Variants in ASTN2 observed in about 807,000 individuals in gnomAD.
ASTN2 encodes astrotactin-2.
In ASTN2, 54 loss-of-function variants were observed where a neutral mutation model predicts 139.8. The ratio of observed to expected loss-of-function variants is 0.39; its 90% CI spans 0.31 to 0.48. ASTN2 has a LOEUF of 0.48. Among genes scored for constraint, ASTN2 ranks in the 20% least tolerant of loss-of-function variants. ASTN2 has a pLI of 0.95. For synonymous variants in ASTN2, 756 were observed against 719.5 expected, an observed-to-expected ratio of 1.05 and a Z score of -0.81; for missense variants, 1,565 against 1,725.1, an observed-to-expected ratio of 0.91 and a Z score of 1.64.
chr9:117,240,743 A>T lies in ASTN2; in HGVS notation c.631-26001T>A, dbSNP rs896273486. Among the ~76,000 whole-genome samples, 31 of 152,226 alleles carry T rather than the reference A, an allele frequency of 2.0e-4. 1 individual carries two copies. Among genetic ancestry groups the T allele is most frequent in the Admixed American group, 9.8e-4 (15 of 15,280 alleles). On this transcript the variant is annotated intron_variant, in intron 2 of 22. Coordinates refer to ENST00000313400, the MANE Select transcript of ASTN2 (RefSeq NM_001365068.1). The stretch of plus-strand genomic sequence containing the variant: ...TAGGGATCTCTGAAAGTGTTTCCTG[A>T]GGTTTTCCAATCCTCATTTTGTAGA...
At chr9:116,490,633 G>A (rs1048908562) in intron 19 of ASTN2, among the ~76,000 whole-genome samples, 10 of 152,106 alleles carry the variant, frequency 6.6e-5, no homozygotes, top group Admixed American at 2.0e-4. Context: ...CAATCATGGC[G>A]GAAGGCACCT....
chr9:117,389,882 T>C (rs1413581390), intron 1 of ASTN2, among the ~76,000 whole-genome samples: 1 of 148,406 alleles, frequency 6.7e-6, no homozygotes, highest in Admixed American at 6.7e-5. Flanking sequence ...CAGGGTGTTG[T>C]GAGAAAGACA....
rs538303839 is a variant in ASTN2, at chr9:116,905,872, G to T, written c.1890-42139C>A. Among the ~76,000 whole-genome samples, 15 of 149,308 alleles carry T rather than the reference G, an allele frequency of 1.0e-4. 1 individual carries two copies. In the South Asian group the frequency reaches 2.2e-3, roughly 21 times the overall value. ...TCCCTGTTTTTTTTTTTTTTGGGGGGGGGTGCGGGGGGTGTGCCGTTTAAG... is the reference window on the plus strand; with the variant it reads ...TCCCTGTTTTTTTTTTTTTTGGGGGTGGGTGCGGGGGGTGTGCCGTTTAAG... On this transcript the variant is annotated intron_variant, in intron 10 of 22. Coordinates refer to ENST00000313400, the MANE Select transcript of ASTN2 (RefSeq NM_001365068.1).
At chr9:116,631,975 G>A (rs902837564) in intron 17 of ASTN2, among the ~76,000 whole-genome samples, 6 of 151,666 alleles carry the variant, frequency 4.0e-5, no homozygotes, top group Non-Finnish European at 5.9e-5. Flanking sequence ...TTAGCTGGGC[G>A]TTGTGGCACA....
In ASTN2 at chr9:116,932,039, G is replaced by A. The variant is rs1834913016; in HGVS notation, c.1889+43169C>T. Among the ~76,000 whole-genome samples the A allele has an allele frequency of 3.3e-5, 5 of 152,120 alleles. 1 individual carries two copies. The South Asian group carries it at 1.0e-3, about 32-fold the overall frequency. ...TGAGGGGTGGTAGGGGGAAGGGGTA[G>A]TAGAGTGTGAGTTTGAAGAGATAGG... On this transcript the variant is annotated intron_variant, in intron 10 of 22. Coordinates refer to ENST00000313400, the MANE Select transcript of ASTN2 (RefSeq NM_001365068.1).
At chr9:117,118,314 T>C (rs936713328) in intron 4 of ASTN2, among the ~76,000 whole-genome samples, 24 of 152,102 alleles carry the variant, frequency 1.6e-4, no homozygotes, top group African/African-American at 5.3e-4. Flanking sequence ...AGATCTCCAG[T>C]CATGAACTTA....
At chr9:116,986,834 C>A (rs1836697119) in intron 7 of ASTN2, among the ~76,000 whole-genome samples, 1 of 152,182 alleles carries the variant, frequency 6.6e-6, no homozygotes, top group Non-Finnish European at 1.5e-5. Context: ...ACTCCCTTTC[C>A]AGGAGAATTA....
intron 1 of ASTN2, among the ~76,000 whole-genome samples, chr9:117,395,241 C>T (rs925227136): frequency 3.3e-5 from 5 of 152,134 alleles, no homozygotes; most frequent in Non-Finnish European, 5.9e-5. Context: ...CCCCAAATGC[C>T]GCCCCCACTG....
In ASTN2 at chr9:116,487,292, G is replaced by A; in HGVS notation, c.3497+67C>T. ...GGCTGGCCTGCACAGAATAACTCAT[G>A]CCATTCCTCTTAGGCTTAAAATCAT... On this transcript the variant is annotated intron_variant, in intron 20 of 22. Coordinates refer to ENST00000313400, the MANE Select transcript of ASTN2 (RefSeq NM_001365068.1). 3.8e-6 allele frequency: 6 copies of A among 1,580,594 alleles called. No homozygotes were observed. The Admixed American group carries it at 8.7e-5, about 23-fold the overall frequency.
intron 3 of ASTN2, among the ~76,000 whole-genome samples, chr9:117,164,450 C>A (rs1830623268): frequency 6.6e-6 from 1 of 152,046 alleles, no homozygotes; most frequent in African/African-American, 2.4e-5. Flanking sequence ...TCCACTCTGG[C>A]ATAAATAAAG....
At chr9:116,726,767 G>C (rs1828637342) in intron 15 of ASTN2, among the ~76,000 whole-genome samples, 1 of 151,998 alleles carries the variant, frequency 6.6e-6, no homozygotes, top group Non-Finnish European at 1.5e-5. Flanking sequence ...AGTAAAAACT[G>C]CTCCCTCTTT....
intron 11 of ASTN2, among the ~76,000 whole-genome samples, chr9:116,855,246 C>T (rs1465516042): frequency 6.6e-6 from 1 of 152,114 alleles, no homozygotes; most frequent in Non-Finnish European, 1.5e-5. Context: ...ACCCTATTAC[C>T]CCACCTACCC....
At chr9:116,471,036 T>G (rs1470019038) in intron 20 of ASTN2, among the ~76,000 whole-genome samples, 2 of 152,338 alleles carry the variant, frequency 1.3e-5, no homozygotes, top group South Asian at 4.1e-4. Context: ...TTTTCTTTTT[T>G]AAAATGATTT....
At chr9:116,994,909 G>A (rs1836968621) in intron 7 of ASTN2, among the ~76,000 whole-genome samples, 1 of 152,260 alleles carries the variant, frequency 6.6e-6, no homozygotes, top group Middle Eastern at 3.4e-3. Context: ...ATTGTGCTCA[G>A]TGCATAATAC....
intron 10 of ASTN2, among the ~76,000 whole-genome samples, chr9:116,871,408 T>C (rs186481034): frequency 6.6e-6 from 1 of 152,348 alleles, no homozygotes; most frequent in African/African-American, 2.4e-5. Flanking sequence ...AAGTGATCAA[T>C]ATTTAAATAT....
chr9:117,211,375 A>C (rs1052378971), intron 3 of ASTN2, among the ~76,000 whole-genome samples: 1 of 152,142 alleles, frequency 6.6e-6, no homozygotes, highest in Non-Finnish European at 1.5e-5. Context: ...TGGTGGTGGG[A>C]GGTGACTGGG....
At chr9:116,493,203 T>C (rs1353902156) in intron 19 of ASTN2, among the ~76,000 whole-genome samples, 1 of 152,070 alleles carries the variant, frequency 6.6e-6, no homozygotes, top group Admixed American at 6.6e-5. Context: ...CCATGCACCT[T>C]TCACTAGGCC....
chr9:117,149,122 T>C (rs1830269351), intron 3 of ASTN2, among the ~76,000 whole-genome samples: 2 of 152,080 alleles, frequency 1.3e-5, no homozygotes, highest in Admixed American at 6.5e-5. Flanking sequence ...CAGGTTCAAG[T>C]GATTCTCGTG....
chr9:116,881,249 C>T (rs1833443955), intron 10 of ASTN2, among the ~76,000 whole-genome samples: 2 of 152,190 alleles, frequency 1.3e-5, no homozygotes, highest in Non-Finnish European at 2.9e-5. Context: ...GTTTTATAGA[C>T]ATTTTCTAGT....
Sources: gnomAD v4.1 joint callset for allele counts (sites outside exome capture counted in the v4.1 genomes callset) on GRCh38, gnomAD v4.1.1 for gene constraint, MANE v1.5 for transcripts, NCBI Gene and HGNC (gene_info 2026-07-23, HGNC 2026-07-21) for gene names.